GJA9: variants seen among roughly 807,000 people sequenced by gnomAD.
The protein encoded by GJA9 is gap junction protein alpha 9.
A neutral mutation model predicts 0.4 loss-of-function variants in GJA9; 1 was observed. The ratio of observed to expected loss-of-function variants is 2.50; its 90% CI spans 0.89 to 11.88. The LOEUF (loss-of-function observed/expected upper bound fraction) is 11.88, where lower values mean the gene tolerates loss of function less well. Ranked by LOEUF, GJA9 falls within the 30% of genes most tolerant of loss-of-function variation. The probability of loss-of-function intolerance (pLI) is 0.12; values close to 1 mark genes in which losing one functional copy is unlikely to be tolerated. For synonymous variants in GJA9, 190 were observed against 219.1 expected (o/e 0.87, Z 1.17); for missense variants, 550 against 602.8 (o/e 0.91, Z 0.92).
intron 1 of GJA9, among the ~76,000 whole-genome samples, chr1:38,877,529 G>A (rs1410906068): frequency 2.7e-5 from 4 of 150,310 alleles, no homozygotes; most frequent in Non-Finnish European, 5.9e-5. Flanking sequence ...ACAGAGTCTT[G>A]CTCTGTCGCC....
At chr1:38,880,638 C>T (rs944343712) in intron 1 of GJA9, among the ~76,000 whole-genome samples, 5 of 151,264 alleles carry the variant, frequency 3.3e-5, no homozygotes, top group Admixed American at 2.0e-4. Context: ...AAAAATTAGC[C>T]GGGCATGGTG....
chr1:38,880,778 T>A (rs187143144), intron 1 of GJA9, among the ~76,000 whole-genome samples: 51 of 151,964 alleles, frequency 3.4e-4, no homozygotes, highest in African/African-American at 1.1e-3. Context: ...TGAGACTCTG[T>A]CTCAAAAAAT....
At position 38,881,482 on chromosome 1, in the gene GJA9, G is replaced by A; in HGVS notation, c.-146C>T. 4.3e-6 allele frequency: 3 copies of A among 701,640 alleles called. No individual in the cohort carries two copies. The highest frequency in any genetic ancestry group is 5.2e-6 in the Non-Finnish European group (2 of 384,470). The allele number at this position is 701,640 out of a possible 1,614,324, so 43.5% of individuals were successfully genotyped here. A position where few individuals can be genotyped will look rare whatever the true frequency, so the allele number is the denominator to read the frequency against. The stretch of plus-strand genomic sequence containing the variant: ...AAGCAAACCATGTTTAGAAGTTACA[G>A]CATGGCCATCTTCAATTTATTTTCT... On this transcript the variant is annotated 5_prime_UTR_variant, in exon 1 of 2. Coordinates refer to ENST00000357771, the MANE Select transcript of GJA9 (RefSeq NM_030772.5).
chr1:38,880,413 A>AAAAAT lies in GJA9; in HGVS notation c.-96+1018_-96+1019insATTTT, dbSNP rs1408571116. Reference sequence around the variant, plus strand: ...GCAAGACTCTGTCTCAAAAAAAAATAAATAATAATAATAATAATAATAATA... The same window carrying AAAAAT: ...GCAAGACTCTGTCTCAAAAAAAAATAAAAATAATAATAATAATAATAATAATAATA... On this transcript the variant is annotated intron_variant, in intron 1 of 1. Coordinates refer to ENST00000357771, the MANE Select transcript of GJA9 (RefSeq NM_030772.5). 7.5e-5 allele frequency among the ~76,000 whole-genome samples: 9 copies of AAAAAT among 119,788 alleles called. 1 individual carries two copies. The highest frequency in any genetic ancestry group is 1.8e-4 in the Admixed American group (2 of 10,940). The allele number at this position is 119,788 out of a possible 152,430, so 78.6% of individuals were successfully genotyped here.
At position 38,874,778 on chromosome 1, in the gene GJA9, C is replaced by T. The variant is rs1452348622; in HGVS notation, c.1321G>A (p.Gly441Ser). ...EHENRGSPPK[G>S]NLKGQFRKGT... is the part of the protein sequence containing the mutation. ...TTTCTGAACTGGCCCTTGAGGTTACCTTTAGGAGGTGACCCCCGGTTTTCA... is the reference window on the plus strand; with the variant it reads ...TTTCTGAACTGGCCCTTGAGGTTACTTTTAGGAGGTGACCCCCGGTTTTCA... The change falls in exon 2 of 2, where the codon GGT (glycine) becomes AGT (serine). Residue 441 changes from glycine to serine, a missense_variant. Physicochemically the swap from Gly to Ser is moderately conservative, Grantham distance 56. Coordinates refer to ENST00000357771, the MANE Select transcript of GJA9 (RefSeq NM_030772.5). 5 of 1,614,014 alleles carry T rather than the reference C, an allele frequency of 3.1e-6. No homozygotes were observed. Among genetic ancestry groups the T allele is most frequent in the African/African-American group, 1.3e-5 (1 of 74,892 alleles).
intron 1 of GJA9, among the ~76,000 whole-genome samples, chr1:38,880,731 G>A (rs1055753760): frequency 1.3e-5 from 2 of 151,876 alleles, no homozygotes; most frequent in African/African-American, 2.4e-5. Flanking sequence ...GCAGTGAGCC[G>A]AGATCTGGCC....
chr1:38,878,408 C>T (rs184246506), intron 1 of GJA9, among the ~76,000 whole-genome samples: 1 of 151,768 alleles, frequency 6.6e-6, no homozygotes, highest in Admixed American at 6.6e-5. Context: ...AAGCCCAGCA[C>T]AGTGGCTCAC....
At chr1:38,881,339 A>T in intron 1 of GJA9, 93 bp downstream of exon 1, 1 of 668,642 alleles carries the variant, frequency 1.5e-6, no homozygotes, top group Non-Finnish European at 2.7e-6. Context: ...ACTGGTATAC[A>T]TATATACAGT....
rs772790088 is a variant in GJA9, at chr1:38,881,475, A to G, written c.-139T>C. On this transcript the variant is annotated 5_prime_UTR_variant, in exon 1 of 2. Coordinates refer to ENST00000357771, the MANE Select transcript of GJA9 (RefSeq NM_030772.5). Reference sequence around the variant, plus strand: ...ATCTGAGAAGCAAACCATGTTTAGAAGTTACAGCATGGCCATCTTCAATTT... The same window carrying G: ...ATCTGAGAAGCAAACCATGTTTAGAGGTTACAGCATGGCCATCTTCAATTT... The G allele has an allele frequency of 2.8e-6, 2 of 701,800 alleles. No individual in the cohort carries two copies. The highest frequency in any genetic ancestry group is 2.6e-6 in the Non-Finnish European group (1 of 384,604). The allele number at this position is 701,800 out of a possible 1,614,324, so 43.5% of individuals were successfully genotyped here.
chr1:38,877,023 T>C (rs1642599600), intron 1 of GJA9, among the ~76,000 whole-genome samples: 1 of 138,634 alleles, frequency 7.2e-6, no homozygotes, highest in Non-Finnish European at 1.6e-5. Context: ...CCAATGCGCA[T>C]GGCCTAAAAT....
At position 38,874,329 on chromosome 1, in the gene GJA9, TA is replaced by T. The variant is rs35155866; in HGVS notation, c.*221del. 8,246 of 424,018 alleles carry T rather than the reference TA, an allele frequency of 0.019. 37 individuals are homozygous for T. The highest frequency in any genetic ancestry group is 0.049 in the African/African-American group (2,363 of 48,598). 26.3% of individuals were successfully genotyped at this position (424,018 alleles called of 1,614,324 possible). On this transcript the variant is annotated 3_prime_UTR_variant, in exon 2 of 2. Transcript: ENST00000357771. Reference sequence around the variant, plus strand: ...CAGTTACATTCGAAAGGATATCATTTAAAAAAAAAAAAATCCTGATTTGACA... The same window carrying T: ...CAGTTACATTCGAAAGGATATCATTTAAAAAAAAAAAATCCTGATTTGACA...
rs1364473142 is a variant in GJA9, at chr1:38,875,859, C to A, written c.240G>T (p.Leu80=). 1.2e-6 allele frequency: 2 copies of A among 1,614,088 alleles called. No individual in the cohort carries two copies. The highest frequency in any genetic ancestry group is 2.2e-5 in the East Asian group (1 of 44,894). ...ATGGTGAAGACACAAATATCACCTG[C>A]AGAACCCAGTATCTAATGAGGGAGA... ...FPISLIRYWV[L]QVIFVSSPSL... The change falls in exon 2 of 2, where the codon CTG becomes CTT. Residue 80 remains leucine, a synonymous_variant. Coordinates refer to ENST00000357771, the MANE Select transcript of GJA9 (RefSeq NM_030772.5).
At position 38,875,925 on chromosome 1, in the gene GJA9, T is replaced by A; in HGVS notation, c.174A>T (p.Gln58His). Residue 58 changes from glutamine to histidine, a missense_variant, in exon 2 of 2, where the codon CAA becomes CAT. Gln to His is a conservative substitution (Grantham distance 24). Coordinates refer to ENST00000357771, the MANE Select transcript of GJA9 (RefSeq NM_030772.5). ...CGTAGCATACATTTCTGCAGCCTGG[T>A]TGTTCTGTATTGCAGATGAAGCCAG... ...EQSGFICNTEQPGCRNVCYDQ... is the reference protein window; with the variant it reads ...EQSGFICNTEHPGCRNVCYDQ... The A allele has an allele frequency of 6.2e-7, 1 of 1,614,202 alleles. No individual in the cohort carries two copies. Among genetic ancestry groups the A allele is most frequent in the South Asian group, 1.1e-5 (1 of 91,090 alleles).
chr1:38,875,089 CT>C lies in GJA9; in HGVS notation c.1009del (p.Ser337ValfsTer31). On this transcript the variant is annotated frameshift_variant, in exon 2 of 2. Coordinates refer to ENST00000357771, the MANE Select transcript of GJA9 (RefSeq NM_030772.5). LOFTEE classifies it low-confidence loss of function (END_TRUNC). The stretch of plus-strand genomic sequence containing the variant: ...GTGTTGAAAATGACTACAACTAGTA[CT>C]AAGTGTGGAAATCTCATTAGAAAGT... ...TVLSNEISTLSTSCSHFQHIS... is the reference protein window; with the variant it reads ...TVLSNEISTLXTSCSHFQHIS... 6.2e-7 allele frequency: 1 copy of C among 1,614,094 alleles called. No homozygotes were observed. Among genetic ancestry groups the C allele is most frequent in the Non-Finnish European group, 8.5e-7 (1 of 1,180,012 alleles).
rs1570896736 is a variant in GJA9, at chr1:38,875,674, C to A, written c.425G>T (p.Arg142Met). 3 of 1,614,176 alleles carry A rather than the reference C, an allele frequency of 1.9e-6. No individual in the cohort carries two copies. The highest frequency in any genetic ancestry group is 2.5e-6 in the Non-Finnish European group (3 of 1,180,032). Residue 142 changes from arginine (R) to methionine (M), a missense_variant, in exon 2 of 2, where the codon AGG becomes ATG. Coordinates refer to ENST00000357771, the MANE Select transcript of GJA9 (RefSeq NM_030772.5). Reference sequence around the variant, plus strand: ...TCTGAGTGGAGCTTTATTTAGTTTCCTTTTCTCCAGCTGACAAAGCTCTTG... The same window carrying A: ...TCTGAGTGGAGCTTTATTTAGTTTCATTTTCTCCAGCTGACAAAGCTCTTG... ...LEQELCQLEK[R>M]KLNKAPLRGT...
At position 38,875,526 on chromosome 1, in the gene GJA9, G is replaced by T. The variant is rs758601156; in HGVS notation, c.573C>A (p.Gly191=). 2 of 1,613,946 alleles carry T rather than the reference G, an allele frequency of 1.2e-6. No homozygotes were observed. Among genetic ancestry groups the T allele is most frequent in the Non-Finnish European group, 1.7e-6 (2 of 1,179,930 alleles). ...AGTCGATTATATTTGGACACGGGTGGCCATGGCACTTAAATAGCGGCTCTA... is the reference window on the plus strand; with the variant it reads ...AGTCGATTATATTTGGACACGGGTGTCCATGGCACTTAAATAGCGGCTCTA... ...FHLEPLFKCH[G]HPCPNIIDCF... Residue 191 remains glycine, a synonymous_variant, in exon 2 of 2, where the codon GGC becomes GGA. Coordinates refer to ENST00000357771, the MANE Select transcript of GJA9 (RefSeq NM_030772.5).
In GJA9 at chr1:38,875,231, T is replaced by G; in HGVS notation, c.868A>C (p.Lys290Gln). ...GGGTACACTGCAGTGTGTGTTTGCT[T>G]TTCCACTAACAGATTATAATCAGGG... ...SAPDYNLLVE[K>Q]QTHTAVYPSL... The change falls in exon 2 of 2, where the codon AAG becomes CAG. Residue 290 changes from lysine to glutamine, a missense_variant. Lys to Gln is a moderately conservative substitution (Grantham distance 53). Coordinates refer to ENST00000357771, the MANE Select transcript of GJA9 (RefSeq NM_030772.5). 2 of 1,614,186 alleles carry G rather than the reference T, an allele frequency of 1.2e-6. No individual in the cohort carries two copies. The highest frequency in any genetic ancestry group is 1.7e-6 in the Non-Finnish European group (2 of 1,180,026).
At position 38,875,171 on chromosome 1, in the gene GJA9, G is replaced by A. The variant is rs763166392; in HGVS notation, c.928C>T (p.Pro310Ser). 5.0e-6 allele frequency: 8 copies of A among 1,614,138 alleles called. No individual in the cohort carries two copies. In the South Asian group the frequency reaches 7.7e-5, roughly 16 times the overall value. The change falls in exon 2 of 2, where the codon CCT (proline) becomes TCT (serine). Residue 310 changes from proline (P) to serine (S), a missense_variant. By Grantham distance (74) the Pro-to-Ser change is moderately conservative. Coordinates refer to ENST00000357771, the MANE Select transcript of GJA9 (RefSeq NM_030772.5). ...LNSSSVFQPN[P>S]DNHSVNDEKC... ...TCATCATTTACACTATGATTGTCAGGATTTGGCTGGAATACAGAAGATGAA... is the reference window on the plus strand; with the variant it reads ...TCATCATTTACACTATGATTGTCAGAATTTGGCTGGAATACAGAAGATGAA...
chr1:38,880,606 A>AC (rs1642680672), intron 1 of GJA9, among the ~76,000 whole-genome samples: 2 of 151,210 alleles, frequency 1.3e-5, no homozygotes, highest in South Asian at 2.1e-4. Flanking sequence ...ACATGGTTGA[A>AC]CCCCATCTCT....
Sources: gnomAD v4.1 joint callset for allele counts (sites outside exome capture counted in the v4.1 genomes callset) on GRCh38, gnomAD v4.1.1 for gene constraint, MANE v1.5 for transcripts, NCBI Gene and HGNC (gene_info 2026-07-23, HGNC 2026-07-21) for gene names.